The following FANCI variants were observed in gnomAD, a reference collection of about 807,000 sequenced individuals.
FANCI encodes the protein Fanconi anemia group I protein.
Under a neutral mutation model 176.1 loss-of-function variants are expected in FANCI, and 156 were observed. The observed-to-expected ratio is 0.89, with a 90% CI of 0.78 to 1.01. FANCI has a LOEUF of 1.01. FANCI is among the 50% of genes least tolerant of loss of function. FANCI has a pLI of 0.00. For synonymous variants in FANCI, 613 were observed against 541.7 expected (o/e 1.13, Z -1.83); for missense variants, 1,678 against 1,534.1 (o/e 1.09, Z -1.57).
intron 37 of FANCI, 82 bp from the exon 38 acceptor site, chr15:89,316,315 G>A: frequency 7.4e-7 from 1 of 1,342,522 alleles, no homozygotes; most frequent in Non-Finnish European, 1.0e-6. Flanking sequence ...TGAGAAGATA[G>A]AGTCTTTTTT....
chr15:89,293,868 T>C lies in FANCI; in HGVS notation c.2327T>C (p.Met776Thr), dbSNP rs758421394. The change falls in exon 23 of 38, where the codon ATG becomes ACG. Residue 776 changes from methionine to threonine, a missense_variant. Met to Thr is a moderately conservative substitution (Grantham distance 81). This residue lies in a region of FANCI where 1,204 missense variants were observed against 1,077.4 expected (regional missense o/e 1.12). Transcript: ENST00000310775. Reference protein sequence around the residue: ...NRFEDILSLFMCYKKLSDILN... With the variant: ...NRFEDILSLFTCYKKLSDILN... ...TTTGAGGACATTCTGAGCTTATTTA[T>C]GTGTTACAAAAAACTCTCTGACATT... The C allele has an allele frequency of 6.2e-7, 1 of 1,614,170 alleles. No homozygotes were observed. Among genetic ancestry groups the C allele is most frequent in the South Asian group, 1.1e-5 (1 of 91,078 alleles).
In FANCI at chr15:89,316,461, T is replaced by A. The variant is rs1250870721; in HGVS notation, c.*2T>A. On this transcript the variant is annotated 3_prime_UTR_variant, in exon 38 of 38. Coordinates refer to ENST00000310775, the MANE Select transcript of FANCI (RefSeq NM_001113378.2). ...GCCAAGAAGAAAAGGAAAAAATAAATGAAATGCCTGAGTTAATGTGAACTT... is the reference window on the plus strand; with the variant it reads ...GCCAAGAAGAAAAGGAAAAAATAAAAGAAATGCCTGAGTTAATGTGAACTT... 1.2e-6 allele frequency: 2 copies of A among 1,607,698 alleles called. No individual in the cohort carries two copies. Among genetic ancestry groups the A allele is most frequent in the South Asian group, 2.2e-5 (2 of 90,048 alleles).
intron 16 of FANCI, chr15:89,282,628 A>C (rs2053658146): frequency 5.3e-6 from 1 of 189,908 alleles, no homozygotes; most frequent in East Asian, 1.2e-4. Flanking sequence ...TCCTCACCCA[A>C]AGGCATAGCG....
intron 25 of FANCI, 91 bp from the exon 26 acceptor site, chr15:89,300,209 T>C: frequency 8.3e-7 from 1 of 1,210,902 alleles, no homozygotes; most frequent in Non-Finnish European, 1.2e-6. Context: ...GCCTTTAGAC[T>C]TTTTTTTGGC....
At chr15:89,246,347 A>G (rs919346807) in intron 1 of FANCI, among the ~76,000 whole-genome samples, 4 of 152,156 alleles carry the variant, frequency 2.6e-5, no homozygotes, top group Non-Finnish European at 4.4e-5. Flanking sequence ...TCCCCACTTT[A>G]ATCTGCACAA....
chr15:89,292,717 T>C lies in FANCI; in HGVS notation c.2022T>C (p.Cys674=). 6.2e-7 allele frequency: 1 copy of C among 1,613,834 alleles called. No individual in the cohort carries two copies. The highest frequency in any genetic ancestry group is 8.5e-7 in the Non-Finnish European group (1 of 1,179,962). Reference sequence around the variant, plus strand: ...ATCTGCTGTGTTGTATTCAGCATTGTTTGGCCTGGTATAAGAATACAGTCA... The same window carrying C: ...ATCTGCTGTGTTGTATTCAGCATTGCTTGGCCTGGTATAAGAATACAGTCA... ...LDYLLCCIQH[C]LAWYKNTVIP... Residue 674 remains cysteine, a synonymous_variant, in exon 21 of 38, where the codon TGT becomes TGC. Coordinates refer to ENST00000310775, the MANE Select transcript of FANCI (RefSeq NM_001113378.2).
intron 1 of FANCI, 77 bp from the exon 2 acceptor site, chr15:89,247,552 G>T: frequency 9.8e-7 from 1 of 1,015,822 alleles, no homozygotes; most frequent in Admixed American, 1.7e-5. Context: ...GAAATATTCA[G>T]TTAACAGGGA....
At chr15:89,277,654 T>C (rs1361785849) in intron 13 of FANCI, among the ~76,000 whole-genome samples, 1 of 152,076 alleles carries the variant, frequency 6.6e-6, no homozygotes, top group Non-Finnish European at 1.5e-5. Flanking sequence ...ATTGGTTCAT[T>C]GTTTCTGAAG....
intron 34 of FANCI, among the ~76,000 whole-genome samples, chr15:89,311,871 A>G (rs911161923): frequency 3.3e-5 from 5 of 151,924 alleles, no homozygotes; most frequent in African/African-American, 1.2e-4. Context: ...AGCTGCCTAC[A>G]TTTCTGTACC....
At position 89,281,024 on chromosome 15, in the gene FANCI, T is replaced by C. The variant is rs894609952; in HGVS notation, c.1382-146T>C. 3 of 749,544 alleles carry C rather than the reference T, an allele frequency of 4.0e-6. No homozygotes were observed. In the African/African-American group the frequency reaches 5.3e-5, roughly 13 times the overall value. The allele number at this position is 749,544 out of a possible 1,614,324, so 46.4% of individuals were successfully genotyped here. On this transcript the variant is annotated intron_variant, in intron 14 of 37. Coordinates refer to ENST00000310775, the MANE Select transcript of FANCI (RefSeq NM_001113378.2). ...GGTTACATTGGAGAAAAAGTATATA[T>C]AGAATCAGTAGAAATTTGTATTGCA... is the stretch of plus-strand genomic sequence containing the variant.
intron 32 of FANCI, among the ~76,000 whole-genome samples, chr15:89,306,681 G>C (rs1200046926): frequency 1.3e-5 from 2 of 152,052 alleles, no homozygotes; most frequent in East Asian, 1.9e-4. Flanking sequence ...AATAGAGTGA[G>C]ACTCCATCTC....
intron 6 of FANCI, 78 bp downstream of exon 6, chr15:89,261,956 GTC>G: frequency 7.8e-7 from 1 of 1,284,438 alleles, no homozygotes; most frequent in East Asian, 2.4e-5. Flanking sequence ...AGGAATTTAT[GTC>G]TGGAGGTTTT....
rs767185034 is a variant in FANCI, at chr15:89,305,665, C to T, written c.3316C>T (p.Leu1106Phe). The T allele has an allele frequency of 6.2e-7, 1 of 1,614,170 alleles. No homozygotes were observed. Among genetic ancestry groups the T allele is most frequent in the South Asian group, 1.1e-5 (1 of 91,080 alleles). Residue 1106 changes from leucine to phenylalanine, a missense_variant, in exon 31 of 38, where the codon CTT becomes TTT. Physicochemically the swap from Leu to Phe is conservative, Grantham distance 22. Coordinates refer to ENST00000310775, the MANE Select transcript of FANCI (RefSeq NM_001113378.2). ...AGAAGTGGACTGGCTAATCACCAAG[C>T]TTAAGGGACAAGTGAGCCAAGAAAC... The part of the protein sequence containing the change: ...LEEVDWLITK[L>F]KGQVSQETLS...
intron 2 of FANCI, among the ~76,000 whole-genome samples, chr15:89,255,549 A>T (rs1049766147): frequency 1.2e-4 from 19 of 152,206 alleles, no homozygotes; most frequent in African/African-American, 4.6e-4. Flanking sequence ...GTGCTTCCTG[A>T]TGTGATACTC....
chr15:89,302,696 C>A (rs1347381765), intron 27 of FANCI, among the ~76,000 whole-genome samples: 1 of 151,854 alleles, frequency 6.6e-6, no homozygotes, highest in Admixed American at 6.6e-5. Context: ...GCCTCAGCCT[C>A]CCAAGTAGCT....
At chr15:89,299,609 G>T (rs1369015148) in intron 24 of FANCI, among the ~76,000 whole-genome samples, 191 bp from the exon 25 acceptor site, 1 of 152,228 alleles carries the variant, frequency 6.6e-6, no homozygotes, top group African/African-American at 2.4e-5. Flanking sequence ...TGGGAGGAGA[G>T]AATTGACTAT....
chr15:89,302,807 T>A (rs1417511802), intron 27 of FANCI, among the ~76,000 whole-genome samples: 4 of 152,132 alleles, frequency 2.6e-5, no homozygotes, highest in South Asian at 4.1e-4. Flanking sequence ...TCTCCTGACC[T>A]CGTGATTCAC....
chr15:89,273,510 GTAAAAAA>G (rs756685742), intron 11 of FANCI, 41 bp downstream of exon 11: 14 of 660,540 alleles, frequency 2.1e-5, no homozygotes, highest in Admixed American at 1.7e-4. Context: ...TCTGTAGTTG[GTAAAAAA>G]AAAAAAAAAA....
chr15:89,312,764 G>A (rs1285083199), intron 34 of FANCI, 140 bp from the exon 35 acceptor site: 1 of 671,508 alleles, frequency 1.5e-6, no homozygotes, highest in African/African-American at 1.8e-5. Context: ...GGTTACAGTG[G>A]GTCGACATCA....
Sources: gnomAD v4.1 joint callset for allele counts (sites outside exome capture counted in the v4.1 genomes callset) on GRCh38, gnomAD v4.1.1 for gene constraint, gnomAD v4.1.1 regional missense constraint, MANE v1.5 for transcripts, NCBI Gene and HGNC (gene_info 2026-07-23, HGNC 2026-07-21) for gene names.